Variants in NR1H4 observed in about 807,000 individuals in gnomAD.
The protein encoded by NR1H4 is bile acid receptor.
In NR1H4, 23 loss-of-function variants were observed where a neutral mutation model predicts 58.5. The ratio of observed to expected loss-of-function variants is 0.39; its 90% CI spans 0.28 to 0.56. NR1H4 has a LOEUF of 0.56. Ranked by LOEUF, NR1H4 falls within the 20% of genes least tolerant of loss-of-function variation. The probability of loss-of-function intolerance (pLI) is 0.58; values close to 1 mark genes in which losing one functional copy is unlikely to be tolerated. For synonymous variants in NR1H4, 214 were observed against 198.0 expected (o/e 1.08, Z -0.68); for missense variants, 487 against 576.9 (o/e 0.84, Z 1.60).
intron 4 of NR1H4, among the ~76,000 whole-genome samples, chr12:100,518,781 C>A (rs1954332359): frequency 6.6e-6 from 1 of 150,504 alleles, no homozygotes; most frequent in African/African-American, 2.4e-5. Flanking sequence ...CTGTTCTTGA[C>A]CAATGACTTT....
intron 4 of NR1H4, among the ~76,000 whole-genome samples, chr12:100,518,922 G>C (rs1275570341): frequency 6.6e-6 from 1 of 151,728 alleles, no homozygotes; most frequent in Non-Finnish European, 1.5e-5. Context: ...CAAGTAGCTG[G>C]GATTACAGGC....
chr12:100,542,321 T>G (rs1954957057), intron 9 of NR1H4, among the ~76,000 whole-genome samples: 1 of 152,094 alleles, frequency 6.6e-6, no homozygotes, highest in Non-Finnish European at 1.5e-5. Flanking sequence ...CACTCCAGCC[T>G]GGGCAACAGA....
At chr12:100,544,503 A>G (rs1023131787) in intron 9 of NR1H4, among the ~76,000 whole-genome samples, 2 of 152,078 alleles carry the variant, frequency 1.3e-5, no homozygotes, top group African/African-American at 4.8e-5. Flanking sequence ...GTTGAAATAG[A>G]CTTCATAACC....
chr12:100,550,872 T>G (rs1955188797), intron 9 of NR1H4, among the ~76,000 whole-genome samples: 1 of 152,198 alleles, frequency 6.6e-6, no homozygotes, highest in African/African-American at 2.4e-5. Context: ...CAATGTTTTG[T>G]TTTCACATGC....
At chr12:100,562,094 A>G in intron 10 of NR1H4, 96 bp downstream of exon 10, 1 of 687,336 alleles carries the variant, frequency 1.5e-6, no homozygotes, top group Non-Finnish European at 2.6e-6. Flanking sequence ...TAGAAATATA[A>G]AGAAAAAGTA....
intron 4 of NR1H4, 116 bp downstream of exon 4, chr12:100,511,259 C>A: frequency 8.1e-7 from 1 of 1,242,022 alleles, no homozygotes; most frequent in Non-Finnish European, 1.2e-6. Context: ...TCCTCCTGTG[C>A]GCCTACCTCC....
chr12:100,475,412 G>C (rs1953247887), intron 1 of NR1H4, among the ~76,000 whole-genome samples: 1 of 152,126 alleles, frequency 6.6e-6, no homozygotes, highest in South Asian at 2.1e-4. Context: ...CAGGGACAAA[G>C]CTCTCTTGTC....
At chr12:100,485,825 T>C (rs959212506) in intron 1 of NR1H4, among the ~76,000 whole-genome samples, 4 of 152,310 alleles carry the variant, frequency 2.6e-5, no homozygotes, top group African/African-American at 7.2e-5. Context: ...TGAGCCACTA[T>C]GCCCAGCCGC....
At chr12:100,553,171 T>A (rs1955244096) in intron 9 of NR1H4, among the ~76,000 whole-genome samples, 1 of 152,086 alleles carries the variant, frequency 6.6e-6, no homozygotes, top group Non-Finnish European at 1.5e-5. Flanking sequence ...GCTAATTTGT[T>A]GTATTTTTAG....
intron 4 of NR1H4, among the ~76,000 whole-genome samples, chr12:100,521,417 T>C (rs543715698): frequency 1.3e-5 from 2 of 152,376 alleles, no homozygotes; most frequent in Non-Finnish European, 2.9e-5. Flanking sequence ...GGAAATGTGC[T>C]AATGTCTGAA....
chr12:100,556,195 C>T (rs895081551), intron 9 of NR1H4, among the ~76,000 whole-genome samples: 4 of 151,960 alleles, frequency 2.6e-5, no homozygotes, highest in Non-Finnish European at 2.9e-5. Context: ...AGGCTGGGTG[C>T]GGTGGCTCAT....
intron 3 of NR1H4, among the ~76,000 whole-genome samples, chr12:100,508,404 G>A (rs973785436): frequency 7.9e-5 from 12 of 152,092 alleles, no homozygotes; most frequent in African/African-American, 2.9e-4. Flanking sequence ...GGCCGAGAAG[G>A]GGGTAACAAA....
Position 100,510,945 on chromosome 12 carries a change from C to G in NR1H4, c.247C>G (p.Pro83Ala), listed in dbSNP as rs763649788. ...YPQQPEEWYS[P>A]GIYELRRMPA... Reference sequence around the variant, plus strand: ...CCAGCAGCCTGAAGAGTGGTACTCTCCTGGAATATATGAACTCAGGCGTAT... The same window carrying G: ...CCAGCAGCCTGAAGAGTGGTACTCTGCTGGAATATATGAACTCAGGCGTAT... Residue 83 changes from proline to alanine, a missense_variant, in exon 4 of 11, where the codon CCT becomes GCT. Coordinates refer to ENST00000392986, the MANE Select transcript of NR1H4 (RefSeq NM_001206979.2). 18 of 1,614,058 alleles carry G rather than the reference C, an allele frequency of 1.1e-5. No homozygotes were observed. The East Asian group carries it at 3.3e-4, about 30-fold the overall frequency.
Position 100,563,529 on chromosome 12 carries a change from T to A in NR1H4, c.*40T>A. ...GAGGGGTCTAGCTCCTTTTTCTCTCTCATATTAATCTGATGTATAACTTTC... is the reference window on the plus strand; with the variant it reads ...GAGGGGTCTAGCTCCTTTTTCTCTCACATATTAATCTGATGTATAACTTTC... On this transcript the variant is annotated 3_prime_UTR_variant, in exon 11 of 11. Transcript: ENST00000392986. 1 of 1,426,360 alleles carries A rather than the reference T, an allele frequency of 7.0e-7. No individual in the cohort carries two copies. Among genetic ancestry groups the A allele is most frequent in the Non-Finnish European group, 9.9e-7 (1 of 1,008,684 alleles). The allele number at this position is 1,426,360 out of a possible 1,614,324, so 88.4% of individuals were successfully genotyped here. A position where few individuals can be genotyped will look rare whatever the true frequency, so the allele number is the denominator to read the frequency against.
At chr12:100,498,113 A>C (rs570660980) in intron 3 of NR1H4, among the ~76,000 whole-genome samples, 5 of 152,322 alleles carry the variant, frequency 3.3e-5, no homozygotes, top group Admixed American at 3.3e-4. Context: ...TGAGGATAAT[A>C]ATGTCACACT....
chr12:100,520,823 C>T lies in NR1H4; in HGVS notation c.445+9680C>T, dbSNP rs1413699172. The stretch of plus-strand genomic sequence containing the variant: ...CCACCATGTTAGCTGCGAAGGAAGT[C>T]TGGGCAAGGTTATGTTCTACTTTCC... On this transcript the variant is annotated intron_variant, in intron 4 of 10. Coordinates refer to ENST00000392986, the MANE Select transcript of NR1H4 (RefSeq NM_001206979.2). 2.6e-5 allele frequency among the ~76,000 whole-genome samples: 4 copies of T among 152,150 alleles called. 1 individual carries two copies. The highest frequency in any genetic ancestry group is 5.9e-5 in the Non-Finnish European group (4 of 68,032).
intron 9 of NR1H4, among the ~76,000 whole-genome samples, chr12:100,559,764 C>T (rs1481347941): frequency 6.6e-6 from 1 of 152,254 alleles, no homozygotes; most frequent in East Asian, 1.9e-4. Flanking sequence ...CTGAGGAATG[C>T]GAGCGCAGGG....
At chr12:100,546,555 C>T (rs562553723) in intron 9 of NR1H4, among the ~76,000 whole-genome samples, 5 of 152,054 alleles carry the variant, frequency 3.3e-5, no homozygotes, top group African/African-American at 7.2e-5. Flanking sequence ...ATTAGCCTGG[C>T]GTGGTGGCAG....
At chr12:100,477,889 C>G (rs890910483) in intron 1 of NR1H4, among the ~76,000 whole-genome samples, 4 of 152,192 alleles carry the variant, frequency 2.6e-5, no homozygotes, top group African/African-American at 9.7e-5. Context: ...GACTCTGAAT[C>G]TGAGGCTATA....
Sources: gnomAD v4.1 joint callset for allele counts (sites outside exome capture counted in the v4.1 genomes callset) on GRCh38, gnomAD v4.1.1 for gene constraint, MANE v1.5 for transcripts, NCBI Gene and HGNC (gene_info 2026-07-23, HGNC 2026-07-21) for gene names.